Variants in BICD2 observed in about 807,000 individuals in gnomAD.
BICD2 encodes protein bicaudal D homolog 2.
A neutral mutation model predicts 72.9 loss-of-function variants in BICD2; 25 were observed. That is an observed-to-expected ratio of 0.34 (90% confidence interval 0.25 to 0.48). BICD2 has a LOEUF of 0.48. Ranked by LOEUF, BICD2 falls within the 20% of genes least tolerant of loss-of-function variation. The pLI, the probability that BICD2 is intolerant of heterozygous loss-of-function variation, is 0.99. For missense variants in BICD2, 894 were observed against 1,175.2 expected (o/e 0.76, Z 3.50); for synonymous variants, 501 against 516.1 (o/e 0.97, Z 0.40).
In BICD2 at chr9:92,764,511, G is replaced by A; in HGVS notation, c.234C>T (p.Leu78=). The stretch of plus-strand genomic sequence containing the variant: ...GCAGGGCGGCTCGGCTCACCTCCTT[G>A]AGCTGCTCCATCTCGCTGCGGATAG... ...YEAIRSEMEQ[L]KEAFGQAHTN... is the part of the protein sequence containing the mutation. Residue 78 remains leucine (L), a synonymous_variant, in exon 1 of 7, where the codon CTC becomes CTT. Transcript: ENST00000356884. The surrounding 1 kb of genome is among the most constrained non-coding windows in gnomAD (Gnocchi z 5.5). 1 of 1,532,138 alleles carries A rather than the reference G, an allele frequency of 6.5e-7. No homozygotes were observed. Among genetic ancestry groups the A allele is most frequent in the Non-Finnish European group, 8.8e-7 (1 of 1,139,292 alleles). The allele number at this position is 1,532,138 out of a possible 1,614,324, so 94.9% of individuals were successfully genotyped here.
chr9:92,714,871 A>G lies in BICD2; in HGVS notation c.*283T>C, dbSNP rs1285603408. 22 of 1,218,734 alleles carry G rather than the reference A, an allele frequency of 1.8e-5. No individual in the cohort carries two copies. Among genetic ancestry groups the G allele is most frequent in the Non-Finnish European group, 2.3e-5 (22 of 975,988 alleles). 75.5% of individuals were successfully genotyped at this position (1,218,734 alleles called of 1,614,324 possible). On this transcript the variant is annotated 3_prime_UTR_variant, in exon 7 of 7. Coordinates refer to ENST00000356884, the MANE Select transcript of BICD2 (RefSeq NM_001003800.2). ...TGCGCAGGGCTTAGAAGATGCTTTC[A>G]TCACACATCTGCTGCAAGAATGTGC...
Position 92,764,787 on chromosome 9 carries a change from GCCGGGC to G in BICD2, c.-49_-44del. 2 of 1,397,926 alleles carry G rather than the reference GCCGGGC, an allele frequency of 1.4e-6. No homozygotes were observed. Among genetic ancestry groups the G allele is most frequent in the Non-Finnish European group, 1.9e-6 (2 of 1,076,892 alleles). The allele number at this position is 1,397,926 out of a possible 1,614,324, so 86.6% of individuals were successfully genotyped here. ...CCGGCTCCCACTGAGGCTCTCGCAG[GCCGGGC>G]CCTCCTCAGCCGCCGCCGCTGCCGC... On this transcript the variant is annotated 5_prime_UTR_variant, in exon 1 of 7. Transcript: ENST00000356884. This position sits in a 1 kb window ranked among gnomAD's most constrained non-coding sequence, Gnocchi z 5.5.
intron 3 of BICD2, among the ~76,000 whole-genome samples, chr9:92,721,049 A>G (rs1251887952): frequency 6.6e-6 from 1 of 152,200 alleles, no homozygotes; most frequent in East Asian, 1.9e-4. Context: ...GGGAGCACAA[A>G]TGTCTGAGGT....
Position 92,714,346 on chromosome 9 carries a change from C to T in BICD2, c.*808G>A. 1.0e-6 allele frequency: 1 copy of T among 985,502 alleles called. No individual in the cohort carries two copies. The highest frequency in any genetic ancestry group is 4.7e-5 in the South Asian group (1 of 21,292). The allele number at this position is 985,502 out of a possible 1,614,324, so 61.0% of individuals were successfully genotyped here. On this transcript the variant is annotated 3_prime_UTR_variant, in exon 7 of 7. Coordinates refer to ENST00000356884, the MANE Select transcript of BICD2 (RefSeq NM_001003800.2). Reference sequence around the variant, plus strand: ...CACCCCAAGTACAAAAGGACGGGCTCTGCACTAAGGACCAAGGTCTGGCCA... The same window carrying T: ...CACCCCAAGTACAAAAGGACGGGCTTTGCACTAAGGACCAAGGTCTGGCCA...
At chr9:92,743,678 T>C (rs1853945288) in intron 1 of BICD2, among the ~76,000 whole-genome samples, 1 of 152,230 alleles carries the variant, frequency 6.6e-6, no homozygotes, top group South Asian at 2.1e-4. Context: ...GAAGCACAGA[T>C]GGAAGAGAGC....
intron 1 of BICD2, among the ~76,000 whole-genome samples, chr9:92,733,916 G>A (rs1853725661): frequency 6.6e-6 from 1 of 152,078 alleles, no homozygotes; most frequent in South Asian, 2.1e-4. Flanking sequence ...GCAGTGAGCT[G>A]AGATCGTGCC....
intron 1 of BICD2, among the ~76,000 whole-genome samples, chr9:92,734,513 CAAAA>C (rs34489248): frequency 2.8e-5 from 3 of 106,940 alleles, no homozygotes; most frequent in Non-Finnish European, 3.6e-5. Flanking sequence ...GACCCTGTCT[CAAAA>C]AAAAAAAAAA....
Position 92,715,233 on chromosome 9 carries a change from C to T in BICD2, c.2489G>A (p.Cys830Tyr). 1 of 1,613,286 alleles carries T rather than the reference C, an allele frequency of 6.2e-7. No individual in the cohort carries two copies. Among genetic ancestry groups the T allele is most frequent in the South Asian group, 1.1e-5 (1 of 91,062 alleles). The part of the protein sequence containing the change: ...ATPSVSHTCA[C>Y]ASDRAEGTGL... ...GGTGCCCTCGGCCCTGTCGCTGGCA[C>T]AGGCACAGGTGTGACTTACGCTCGG... The change falls in exon 7 of 7, where the codon TGT becomes TAT. Residue 830 changes from cysteine to tyrosine, a missense_variant. Cys to Tyr is a radical substitution (Grantham distance 194). Coordinates refer to ENST00000356884, the MANE Select transcript of BICD2 (RefSeq NM_001003800.2).
chr9:92,754,062 G>A (rs1012502513), intron 1 of BICD2, among the ~76,000 whole-genome samples: 1 of 151,458 alleles, frequency 6.6e-6, no homozygotes, highest in Non-Finnish European at 1.5e-5. Context: ...GGAGAATGGC[G>A]TGAACCCGGG....
intron 6 of BICD2, among the ~76,000 whole-genome samples, chr9:92,716,143 T>C (rs1219699398): frequency 6.6e-6 from 1 of 152,072 alleles, no homozygotes; most frequent in Non-Finnish European, 1.5e-5. Context: ...GCGGTGAGGC[T>C]GTGCAGGCAC....
intron 1 of BICD2, among the ~76,000 whole-genome samples, chr9:92,747,535 C>T (rs965592897): frequency 6.6e-6 from 1 of 152,120 alleles, no homozygotes; most frequent in Non-Finnish European, 1.5e-5. Flanking sequence ...CCAGACTCAC[C>T]GGGCAGGATG....
At chr9:92,716,318 A>C (rs973419753) in intron 6 of BICD2, among the ~76,000 whole-genome samples, 1 of 152,208 alleles carries the variant, frequency 6.6e-6, no homozygotes, top group South Asian at 2.1e-4. Flanking sequence ...CCATCTGAAA[A>C]GTTTTTAAAT....
chr9:92,715,140 G>C lies in BICD2; in HGVS notation c.*14C>G, dbSNP rs561687038. 73 of 1,556,598 alleles carry C rather than the reference G, an allele frequency of 4.7e-5. No homozygotes were observed. The South Asian group carries it at 8.8e-4, about 19-fold the overall frequency. On this transcript the variant is annotated 3_prime_UTR_variant, in exon 7 of 7. Transcript: ENST00000356884. The stretch of plus-strand genomic sequence containing the variant: ...AAGCAGATGTTAGCTGCAGCGTGCG[G>C]CGCCCCACAGCCCCTAATCACAGTA...
At chr9:92,757,126 C>T (rs1039296093) in intron 1 of BICD2, among the ~76,000 whole-genome samples, 3 of 151,776 alleles carry the variant, frequency 2.0e-5, no homozygotes, top group African/African-American at 7.3e-5. Flanking sequence ...CCAGCCCGGG[C>T]AACATGGTGA....
intron 1 of BICD2, among the ~76,000 whole-genome samples, chr9:92,742,515 G>A (rs907568898): frequency 6.6e-6 from 1 of 151,926 alleles, no homozygotes; most frequent in African/African-American, 2.4e-5. Flanking sequence ...CTCCCGAGTA[G>A]CTGGGACTAC....
At chr9:92,729,732 G>A (rs886712284) in intron 1 of BICD2, among the ~76,000 whole-genome samples, 3 of 152,244 alleles carry the variant, frequency 2.0e-5, no homozygotes, top group East Asian at 1.9e-4. Flanking sequence ...CCCCAGGCCC[G>A]AGGATGGCAG....
chr9:92,740,529 G>T (rs925858218), intron 1 of BICD2, among the ~76,000 whole-genome samples: 1 of 151,824 alleles, frequency 6.6e-6, no homozygotes, highest in Non-Finnish European at 1.5e-5. Flanking sequence ...TACTGTGCTG[G>T]GGCGGGGAGG....
intron 1 of BICD2, among the ~76,000 whole-genome samples, chr9:92,755,160 G>A (rs901755265): frequency 3.9e-5 from 6 of 152,192 alleles, no homozygotes; most frequent in East Asian, 3.9e-4. Flanking sequence ...TCTTATGGTC[G>A]AGATTGCAGA....
intron 1 of BICD2, among the ~76,000 whole-genome samples, chr9:92,739,240 C>T (rs1340197208): frequency 6.6e-6 from 1 of 152,210 alleles, no homozygotes; most frequent in Non-Finnish European, 1.5e-5. Context: ...TTTACCATCC[C>T]CTCAATGTTT....
Sources: allele counts gnomAD v4.1 joint callset (sites outside exome capture counted in the v4.1 genomes callset), GRCh38; gene constraint gnomAD v4.1.1; non-coding constraint Gnocchi (gnomAD v3.1); transcripts MANE v1.5; gene names NCBI Gene and HGNC (gene_info 2026-07-23, HGNC 2026-07-21).